CTNNA3: variants seen among roughly 807,000 people sequenced by gnomAD.
The protein encoded by CTNNA3 is catenin alpha-3.
CTNNA3 carries 76 observed loss-of-function variants against 95.7 expected under a neutral mutation model. The observed-to-expected ratio is 0.79, with a 90% CI of 0.66 to 0.96. The LOEUF (loss-of-function observed/expected upper bound fraction) is 0.96. CTNNA3 is among the 40% of genes least tolerant of loss of function. The pLI, the probability that CTNNA3 is intolerant of heterozygous loss-of-function variation, is 0.00. For missense variants in CTNNA3, 1,191 were observed against 1,089.8 expected (o/e 1.09, Z -1.31); for synonymous variants, 431 against 374.4 (o/e 1.15, Z -1.74).
At chr10:67,293,786 G>A (rs995537705) in intron 5 of CTNNA3, among the ~76,000 whole-genome samples, 3 of 151,064 alleles carry the variant, frequency 2.0e-5, no homozygotes, top group South Asian at 2.1e-4. Flanking sequence ...TTGTCCTTGC[G>A]ATAGTTTGCT....
At chr10:66,465,428 T>C (rs1462952622) in intron 11 of CTNNA3, among the ~76,000 whole-genome samples, 2 of 152,170 alleles carry the variant, frequency 1.3e-5, no homozygotes, top group Non-Finnish European at 2.9e-5. Context: ...ACCCAGCACT[T>C]TGACCCATGC....
At chr10:66,162,809 G>C (rs1041778992) in intron 13 of CTNNA3, among the ~76,000 whole-genome samples, 32 of 151,880 alleles carry the variant, frequency 2.1e-4, no homozygotes, top group African/African-American at 7.7e-4. Flanking sequence ...CTACTAGGGT[G>C]AGTAGGGAAG....
Position 67,230,434 on chromosome 10 carries a change from A to G in CTNNA3, c.580-10564T>C, listed in dbSNP as rs1865135625. 3.3e-5 allele frequency among the ~76,000 whole-genome samples: 5 copies of G among 152,206 alleles called. No homozygotes were observed. In the South Asian group the frequency reaches 8.3e-4, roughly 25 times the overall value. ...AGAACCCAAAAGCAAATACAAAGAT[A>G]AACAGTTGGGACTTAATTAAACTAA... On this transcript the variant is annotated intron_variant, in intron 5 of 17. Coordinates refer to ENST00000433211, the MANE Select transcript of CTNNA3 (RefSeq NM_013266.4).
chr10:66,386,897 A>G (rs2092897662), intron 11 of CTNNA3, among the ~76,000 whole-genome samples: 1 of 152,218 alleles, frequency 6.6e-6, no homozygotes, highest in Non-Finnish European at 1.5e-5. Context: ...AGCCATATGT[A>G]GAAAGCTAAC....
chr10:66,743,195 G>A (rs1038590147), intron 9 of CTNNA3, among the ~76,000 whole-genome samples: 30 of 152,160 alleles, frequency 2.0e-4, no homozygotes, highest in Non-Finnish European at 1.0e-4. Context: ...TAAGATACAT[G>A]TATTTTACAG....
chr10:67,564,436 T>G (rs1841669346), intron 3 of CTNNA3, among the ~76,000 whole-genome samples: 4 of 125,606 alleles, frequency 3.2e-5, no homozygotes, highest in Middle Eastern at 0.01. Context: ...AGGTGGGAAT[T>G]GAACAACAAG....
intron 9 of CTNNA3, 73 bp from the exon 10 acceptor site, chr10:66,621,857 A>T (rs547658948): frequency 1.2e-6 from 1 of 807,632 alleles, no homozygotes; most frequent in Non-Finnish European, 2.0e-6. Flanking sequence ...ATACTGAACA[A>T]GAACATGTAC....
At position 67,572,797 on chromosome 10, in the gene CTNNA3, G is replaced by A. The variant is rs144499169; in HGVS notation, c.293-33128C>T. Among the ~76,000 whole-genome samples, 7 of 152,174 alleles carry A rather than the reference G, an allele frequency of 4.6e-5. No individual in the cohort carries two copies. In the East Asian group the frequency reaches 7.8e-4, roughly 17 times the overall value. ...GTGCCCCAAGGAGAATTTTATGATC[G>A]AAAGCTATGTTGGGCCCCAGTAGCT... is the stretch of plus-strand genomic sequence containing the variant. On this transcript the variant is annotated intron_variant, in intron 3 of 17. Transcript: ENST00000433211.
rs1315792293 is a variant in CTNNA3 at position 67,549,856 on chromosome 10, C to T, written c.293-10187G>A. Among the ~76,000 whole-genome samples, 3 of 152,134 alleles carry T rather than the reference C, an allele frequency of 2.0e-5. No homozygotes were observed. The East Asian group carries it at 5.8e-4, about 29-fold the overall frequency. On this transcript the variant is annotated intron_variant, in intron 3 of 17. Coordinates refer to ENST00000433211, the MANE Select transcript of CTNNA3 (RefSeq NM_013266.4). ...TATTTCTATAGCTATTTTCATTCTT[C>T]AACACACAGAGTTAAATACTTGCAA...
chr10:66,174,678 T>C (rs2085614905), intron 13 of CTNNA3, among the ~76,000 whole-genome samples: 1 of 152,032 alleles, frequency 6.6e-6, no homozygotes, highest in Non-Finnish European at 1.5e-5. Flanking sequence ...TTTTTGAATA[T>C]ACAGGTTCTG....
intron 5 of CTNNA3, among the ~76,000 whole-genome samples, chr10:67,433,671 G>A (rs1404803791): frequency 6.6e-6 from 1 of 151,970 alleles, no homozygotes; most frequent in Non-Finnish European, 1.5e-5. Flanking sequence ...TAATATGTAT[G>A]AAAATATGTA....
At chr10:66,426,022 C>T (rs994088267) in intron 11 of CTNNA3, among the ~76,000 whole-genome samples, 5 of 152,038 alleles carry the variant, frequency 3.3e-5, no homozygotes, top group Admixed American at 6.6e-5. Flanking sequence ...TTATTCAACC[C>T]ATTATGTTTG....
intron 7 of CTNNA3, among the ~76,000 whole-genome samples, chr10:67,127,501 T>C (rs780910396): frequency 3.3e-5 from 5 of 152,180 alleles, no homozygotes; most frequent in Non-Finnish European, 7.4e-5. Context: ...ATTAAGATGA[T>C]TGAGAGTGGA....
At chr10:65,923,851 T>C (rs1247385794) in intron 17 of CTNNA3, among the ~76,000 whole-genome samples, 2 of 152,164 alleles carry the variant, frequency 1.3e-5, no homozygotes, top group African/African-American at 4.8e-5. Context: ...AAAGGAAATA[T>C]GACATTTATT....
intron 9 of CTNNA3, among the ~76,000 whole-genome samples, chr10:66,750,978 T>C (rs1839109474): frequency 1.3e-5 from 2 of 152,152 alleles, no homozygotes; most frequent in African/African-American, 2.4e-5. Flanking sequence ...GTTTTTAATT[T>C]AAAATTCCAG....
chr10:67,540,814 T>C (rs1477173256), intron 3 of CTNNA3, among the ~76,000 whole-genome samples: 1 of 152,008 alleles, frequency 6.6e-6, no homozygotes, highest in Non-Finnish European at 1.5e-5. Context: ...TTTATTTTCC[T>C]TTCATACTGG....
intron 2 of CTNNA3, among the ~76,000 whole-genome samples, chr10:67,634,739 A>G (rs1039076627): frequency 2.0e-5 from 3 of 152,360 alleles, no homozygotes; most frequent in East Asian, 1.9e-4. Context: ...GAAGGGCATT[A>G]CATAATGATA....
At chr10:66,923,502 T>A (rs2132608657) in intron 7 of CTNNA3, among the ~76,000 whole-genome samples, 1 of 152,338 alleles carries the variant, frequency 6.6e-6, no homozygotes, top group South Asian at 2.1e-4. Flanking sequence ...ATAATTCTCA[T>A]TAGTCTGTTT....
At chr10:67,150,899 A>C (rs1415793877) in intron 7 of CTNNA3, among the ~76,000 whole-genome samples, 2 of 141,778 alleles carry the variant, frequency 1.4e-5, no homozygotes, top group Non-Finnish European at 3.1e-5. Flanking sequence ...CTTCATTCTC[A>C]ATCTACACGG....
Sources: allele counts gnomAD v4.1 joint callset (sites outside exome capture counted in the v4.1 genomes callset), GRCh38; gene constraint gnomAD v4.1.1; transcripts MANE v1.5; gene names NCBI Gene and HGNC (gene_info 2026-07-23, HGNC 2026-07-21).